Variants in ACTR3C observed in about 807,000 individuals in gnomAD.
ACTR3C encodes actin related protein 3C, also known as actin-related protein 3C.
ACTR3C carries 18 observed loss-of-function variants against 26.3 expected under a neutral mutation model. The observed-to-expected ratio is 0.68, with a 90% CI of 0.47 to 1.01. The LOEUF (loss-of-function observed/expected upper bound fraction) is 1.01, where lower values mean the gene tolerates loss of function less well. Among genes scored for constraint, ACTR3C ranks in the 50% least tolerant of loss-of-function variants. ACTR3C has a pLI of 0.00. For synonymous variants in ACTR3C, 55 were observed against 94.5 expected, an observed-to-expected ratio of 0.58 and a Z score of 2.42; for missense variants, 184 against 250.7, an observed-to-expected ratio of 0.73 and a Z score of 1.80.
At chr7:149,977,667 G>C in the ACTR3C span, among the ~76,000 whole-genome samples, 1 of 152,236 alleles carries the variant, frequency 6.6e-6, no homozygotes, top group Non-Finnish European at 1.5e-5. Flanking sequence ...CTCTAGCTCG[G>C]AACCATATGT....
At chr7:150,031,275 T>TA in the ACTR3C span, among the ~76,000 whole-genome samples, 73,161 of 132,262 alleles carry the variant, frequency 0.55, 18,129 homozygotes, top group Admixed American at 0.58. Context: ...AAAAAAAAAG[T>TA]AAAAAAAAAA....
At chr7:150,144,484 T>A in the ACTR3C span, among the ~76,000 whole-genome samples, 1 of 152,154 alleles carries the variant, frequency 6.6e-6, no homozygotes, top group Non-Finnish European at 1.5e-5. This position sits in a 1 kb window ranked among gnomAD's most constrained non-coding sequence, Gnocchi z 4.6. Flanking sequence ...TTTTGTTAGA[T>A]CAGCTAAATG....
the ACTR3C span, chr7:150,044,623 A>G: frequency 6.6e-6 from 1 of 152,200 alleles, no homozygotes; most frequent in African/African-American, 2.4e-5. Context: ...TCTCTGTGTT[A>G]GCCTTGTTAG....
At chr7:150,005,942 T>C in the ACTR3C span, among the ~76,000 whole-genome samples, 1 of 152,262 alleles carries the variant, frequency 6.6e-6, no homozygotes, top group Non-Finnish European at 1.5e-5. Flanking sequence ...TGAGAAGCTA[T>C]AAGTCTGCTC....
chr7:150,068,902 G>A, the ACTR3C span, among the ~76,000 whole-genome samples: 1 of 151,950 alleles, frequency 6.6e-6, no homozygotes, highest in Non-Finnish European at 1.5e-5. Context: ...AAGACAGCCT[G>A]GACTCCAGAA....
At chr7:149,986,349 T>C in the ACTR3C span, among the ~76,000 whole-genome samples, 3 of 152,230 alleles carry the variant, frequency 2.0e-5, no homozygotes, top group East Asian at 5.8e-4. Flanking sequence ...CTGATGTGTC[T>C]GTGTGTTTCT....
intron 1 of ACTR3C, among the ~76,000 whole-genome samples, chr7:150,309,943 C>T (rs1796156291): frequency 6.6e-6 from 1 of 152,142 alleles, no homozygotes; most frequent in South Asian, 2.1e-4. Flanking sequence ...GCTACCCACT[C>T]CACATTACCT....
chr7:149,959,228 C>CG, the ACTR3C span, among the ~76,000 whole-genome samples: 1 of 70,412 alleles, frequency 1.4e-5, no homozygotes, highest in African/African-American at 6.9e-5. Context: ...GCTCGCCCCC[C>CG]ACCCCCACAA....
chr7:149,953,320 T>C, the ACTR3C span, among the ~76,000 whole-genome samples: 6 of 149,766 alleles, frequency 4.0e-5, no homozygotes, highest in South Asian at 1.0e-3. Flanking sequence ...TTAACAGTGA[T>C]TCTGTTTGGG....
chr7:150,198,177 G>C, the ACTR3C span, among the ~76,000 whole-genome samples: 4 of 150,126 alleles, frequency 2.7e-5, no homozygotes, highest in Admixed American at 6.6e-5. Context: ...GTGCAGTGGC[G>C]TGATCTCGGC....
At chr7:149,912,830 T>A in the ACTR3C span, among the ~76,000 whole-genome samples, 1 of 152,042 alleles carries the variant, frequency 6.6e-6, no homozygotes, top group Non-Finnish European at 1.5e-5. Context: ...CAACTTACTA[T>A]GAGATCATTA....
chr7:150,029,464 G>C, the ACTR3C span, among the ~76,000 whole-genome samples: 1 of 150,592 alleles, frequency 6.6e-6, no homozygotes, highest in Non-Finnish European at 1.5e-5. Flanking sequence ...GCACTTGACA[G>C]GCTGAGGCAG....
the ACTR3C span, among the ~76,000 whole-genome samples, chr7:149,882,794 C>T: frequency 1.3e-5 from 2 of 152,078 alleles, no homozygotes; most frequent in South Asian, 2.1e-4. Flanking sequence ...AATGGGAGAA[C>T]GTAGGAGTCG....
the ACTR3C span, among the ~76,000 whole-genome samples, chr7:150,135,133 G>T: frequency 1.3e-5 from 2 of 152,202 alleles, no homozygotes; most frequent in African/African-American, 4.8e-5. Flanking sequence ...TTAGCCAGGC[G>T]TGGTGGTGGG....
At chr7:150,287,612 C>CT (rs1835895302) in intron 4 of ACTR3C, among the ~76,000 whole-genome samples, 1 of 152,210 alleles carries the variant, frequency 6.6e-6, no homozygotes, top group African/African-American at 2.4e-5. Flanking sequence ...GAATGGCTCT[C>CT]TCAAGGACCT....
intron 1 of ACTR3C, among the ~76,000 whole-genome samples, chr7:150,317,126 A>C (rs951858690): frequency 4.6e-5 from 7 of 151,672 alleles, no homozygotes; most frequent in Admixed American, 1.3e-4. Context: ...ATCTCGGCTC[A>C]CTGCAACCTC....
chr7:150,084,803 G>A, the ACTR3C span, among the ~76,000 whole-genome samples: 5 of 152,102 alleles, frequency 3.3e-5, no homozygotes, highest in Admixed American at 1.3e-4. Flanking sequence ...GGATCCCTGC[G>A]GCTGTCTTAG....
the ACTR3C span, among the ~76,000 whole-genome samples, chr7:150,102,253 C>T: frequency 6.6e-5 from 10 of 151,628 alleles, no homozygotes; most frequent in Non-Finnish European, 2.9e-5. Context: ...CCCCTAGCAT[C>T]CTTTTCTACA....
the ACTR3C span, among the ~76,000 whole-genome samples, chr7:150,237,614 G>C: frequency 5.9e-5 from 9 of 152,156 alleles, no homozygotes; most frequent in African/African-American, 2.2e-4. Flanking sequence ...AGTACCTAGA[G>C]AGGAACAATG....
Sources: gnomAD v4.1 joint callset for allele counts (sites outside exome capture counted in the v4.1 genomes callset) on GRCh38, gnomAD v4.1.1 for gene constraint, Gnocchi (gnomAD v3.1) non-coding constraint, MANE v1.5 for transcripts, NCBI Gene and HGNC (gene_info 2026-07-23, HGNC 2026-07-21) for gene names.